Variants in GFM1 observed in about 807,000 individuals in gnomAD.
GFM1 encodes the protein G elongation factor mitochondrial 1.
A neutral mutation model predicts 96.2 loss-of-function variants in GFM1; 62 were observed. That is an observed-to-expected ratio of 0.64 (90% CI 0.53 to 0.80). GFM1 has a LOEUF of 0.80. GFM1 is among the 30% of genes least tolerant of loss of function. The probability of loss-of-function intolerance (pLI) is 0.00; values close to 1 mark genes in which losing one functional copy is unlikely to be tolerated. For missense variants in GFM1, 852 were observed against 916.6 expected (o/e 0.93, Z 0.91); for synonymous variants, 282 against 312.9 (o/e 0.90, Z 1.04).
rs763056952 is a variant in GFM1, at chr3:158,667,080, A to G, written c.1601+694A>G. The G allele has an allele frequency of 3.2e-6, 5 of 1,576,178 alleles. No individual in the cohort carries two copies. The Admixed American group carries it at 9.8e-5, about 31-fold the overall frequency. On this transcript the variant is annotated intron_variant, in intron 13 of 17. Transcript: ENST00000486715. ...ATAAAGTCATCATTTCTTTGCTATG[A>G]CAAAAAATAAAAACGTGTTGTTTAA...
chr3:158,671,942 T>G (rs1724359043), intron 13 of GFM1, among the ~76,000 whole-genome samples: 1 of 152,226 alleles, frequency 6.6e-6, no homozygotes, highest in Non-Finnish European at 1.5e-5. Context: ...TGTCTTAAAA[T>G]GTAGGCAATA....
At chr3:158,669,175 T>C in intron 13 of GFM1, 2 of 1,527,560 alleles carry the variant, frequency 1.3e-6, no homozygotes, top group South Asian at 2.5e-5. Context: ...TATATAGTAT[T>C]AACCTTTTAA....
At chr3:158,673,330 G>A (rs1306071749) in intron 13 of GFM1, among the ~76,000 whole-genome samples, 1 of 151,858 alleles carries the variant, frequency 6.6e-6, no homozygotes, top group Non-Finnish European at 1.5e-5. Flanking sequence ...CTTATACAAA[G>A]CACTCTCTCT....
chr3:158,666,307 C>T lies in GFM1; in HGVS notation c.1522C>T (p.Leu508=). Residue 508 remains leucine (L), a synonymous_variant, in exon 13 of 18, where the codon CTG becomes TTG. Transcript: ENST00000486715. ...ATATTTTCCCCACTCTTTTTAGAGG[C>T]TGGAAAGAGAGTATGGCTGTCCTTG... The part of the protein sequence containing the change: ...ELHLEIYAQR[L]EREYGCPCIT... 1 of 1,611,864 alleles carries T rather than the reference C, an allele frequency of 6.2e-7. No individual in the cohort carries two copies. Among genetic ancestry groups the T allele is most frequent in the Non-Finnish European group, 8.5e-7 (1 of 1,178,412 alleles).
chr3:158,665,322 CT>C lies in GFM1; in HGVS notation c.1381-13del. 6.3e-7 allele frequency: 1 copy of C among 1,596,838 alleles called. No homozygotes were observed. Among genetic ancestry groups the C allele is most frequent in the Non-Finnish European group, 8.6e-7 (1 of 1,164,762 alleles). On this transcript the variant is annotated splice_polypyrimidine_tract_variant and intron_variant, in intron 11 of 17. Coordinates refer to ENST00000486715, the MANE Select transcript of GFM1 (RefSeq NM_024996.7). ...GCTCAGTAAAACATATAGTGACTTT[CT>C]TCTTCTTTTAAAGAACGATCTGGAA...
At chr3:158,667,368 G>T (rs1324636550) in intron 13 of GFM1, among the ~76,000 whole-genome samples, 2 of 152,196 alleles carry the variant, frequency 1.3e-5, no homozygotes, top group African/African-American at 4.8e-5. Flanking sequence ...AGCAAGTGTA[G>T]CTTGTTATTT....
intron 4 of GFM1, among the ~76,000 whole-genome samples, chr3:158,648,625 C>T (rs1864502): frequency 0.17 from 24,252 of 145,156 alleles, 2,100 homozygotes; most frequent in South Asian, 0.22. Flanking sequence ...TTGCAGTGAG[C>T]GGAAATCACA....
At position 158,652,212 on chromosome 3, in the gene GFM1, T is replaced by G. The variant is rs1722354212; in HGVS notation, c.806T>G (p.Leu269Arg). Reference sequence around the variant, plus strand: ...GATGAACAGCTTGGTGAGATGTTTCTGGAAGAAAAAATCCCCTCGATTTCT... The same window carrying G: ...GATGAACAGCTTGGTGAGATGTTTCGGGAAGAAAAAATCCCCTCGATTTCT... ...NSDEQLGEMFLEEKIPSISDL... is the reference protein window; with the variant it reads ...NSDEQLGEMFREEKIPSISDL... The change falls in exon 6 of 18, where the codon CTG becomes CGG. Residue 269 changes from leucine to arginine, a missense_variant. By Grantham distance (102) the Leu-to-Arg change is moderately radical. Transcript: ENST00000486715. 3.1e-6 allele frequency: 5 copies of G among 1,614,186 alleles called. No homozygotes were observed. The highest frequency in any genetic ancestry group is 4.2e-6 in the Non-Finnish European group (5 of 1,180,010).
chr3:158,665,155 C>T (rs1197649656), intron 11 of GFM1, among the ~76,000 whole-genome samples, 182 bp from the exon 12 acceptor site: 1 of 152,126 alleles, frequency 6.6e-6, no homozygotes, highest in East Asian at 1.9e-4. Context: ...TCCCTGCTGT[C>T]TTGGCTGTGT....
At chr3:158,657,969 TG>T (rs942798078) in intron 8 of GFM1, among the ~76,000 whole-genome samples, 1 of 152,152 alleles carries the variant, frequency 6.6e-6, no homozygotes, top group African/African-American at 2.4e-5. Context: ...CCATAGTTTT[TG>T]AAAAATTTCT....
chr3:158,647,882 T>G (rs1000126808), intron 4 of GFM1, among the ~76,000 whole-genome samples: 4 of 152,352 alleles, frequency 2.6e-5, no homozygotes, highest in African/African-American at 9.6e-5. Context: ...ATTTTGTAAC[T>G]TCTATAAAGC....
At chr3:158,649,348 G>C (rs1722108576) in intron 5 of GFM1, 191 bp downstream of exon 5, 2 of 465,524 alleles carry the variant, frequency 4.3e-6, no homozygotes, top group South Asian at 4.5e-5. Flanking sequence ...TTCTGTGAGA[G>C]ACTATGTTAC....
At chr3:158,680,958 G>C (rs1403462131) in intron 13 of GFM1, among the ~76,000 whole-genome samples, 1 of 152,178 alleles carries the variant, frequency 6.6e-6, no homozygotes, top group African/African-American at 2.4e-5. Context: ...AGACATCACA[G>C]ATCTAGAGTA....
In GFM1 at chr3:158,645,609, A is replaced by C; in HGVS notation, c.82-20A>C. On this transcript the variant is annotated intron_variant, in intron 1 of 17. Transcript: ENST00000486715. ...CTCTTATAAAAGGTGCATAGAATTG[A>C]GCTCTCGTATTTTTTTCAGGTTAAT... The C allele has an allele frequency of 6.3e-7, 1 of 1,599,504 alleles. No homozygotes were observed. The highest frequency in any genetic ancestry group is 8.6e-7 in the Non-Finnish European group (1 of 1,166,790).
intron 9 of GFM1, 64 bp downstream of exon 9, chr3:158,659,123 G>A: frequency 6.4e-7 from 1 of 1,560,862 alleles, no homozygotes; most frequent in African/African-American, 1.4e-5. Context: ...ACCCTTCTTG[G>A]TATCCTGAGC....
chr3:158,649,117 C>T lies in GFM1; in HGVS notation c.649C>T (p.Leu217Phe). The change falls in exon 5 of 18, where the codon CTT (leucine) becomes TTT (phenylalanine). Residue 217 changes from leucine to phenylalanine, a missense_variant. Transcript: ENST00000486715. ...LEGNFKGIVD[L>F]IEERAIYFDG... ...GGGTAATTTTAAAGGTATTGTAGAT[C>T]TTATTGAGGAACGAGCCATCTATTT... 1.3e-6 allele frequency: 2 copies of T among 1,527,582 alleles called. No individual in the cohort carries two copies. Among genetic ancestry groups the T allele is most frequent in the Non-Finnish European group, 9.1e-7 (1 of 1,102,096 alleles). 94.6% of individuals were successfully genotyped at this position (1,527,582 alleles called of 1,614,324 possible). A position where few individuals can be genotyped will look rare whatever the true frequency, so the allele number is the denominator to read the frequency against.
intron 15 of GFM1, among the ~76,000 whole-genome samples, chr3:158,687,463 A>G (rs1725954194): frequency 6.6e-6 from 1 of 151,706 alleles, no homozygotes; most frequent in Non-Finnish European, 1.5e-5. Context: ...AAATATATAC[A>G]ATTATTATTA....
At chr3:158,644,976 T>A in intron 1 of GFM1, 6 of 379,664 alleles carry the variant, frequency 1.6e-5, no homozygotes, top group South Asian at 3.8e-5. Flanking sequence ...CCACCTTTTC[T>A]AAGGTTTTTT....
chr3:158,672,682 C>A, intron 13 of GFM1: 1 of 515,266 alleles, frequency 1.9e-6, no homozygotes, highest in Non-Finnish European at 3.4e-6. Context: ...GAGCCCTGGG[C>A]TGACTGCTTC....
Sources: allele counts gnomAD v4.1 joint callset (sites outside exome capture counted in the v4.1 genomes callset), GRCh38; gene constraint gnomAD v4.1.1; transcripts MANE v1.5; gene names NCBI Gene and HGNC (gene_info 2026-07-23, HGNC 2026-07-21).